SENP6: variants seen among roughly 807,000 people sequenced by gnomAD.
The protein encoded by SENP6 is sentrin-specific protease 6.
A neutral mutation model predicts 134.5 loss-of-function variants in SENP6; 41 were observed. The observed-to-expected ratio is 0.30, with a 90% CI of 0.24 to 0.40. The LOEUF (loss-of-function observed/expected upper bound fraction) is 0.40. Among genes scored for constraint, SENP6 ranks in the 10% least tolerant of loss-of-function variants. SENP6 has a pLI of 1.00. For missense variants in SENP6, 1,248 were observed against 1,312.5 expected, an observed-to-expected ratio of 0.95 and a Z score of 0.76; for synonymous variants, 395 against 429.8, an observed-to-expected ratio of 0.92 and a Z score of 1.00.
At chr6:75,689,045 A>G (rs1049403910) in intron 16 of SENP6, among the ~76,000 whole-genome samples, 4 of 152,158 alleles carry the variant, frequency 2.6e-5, no homozygotes, top group Admixed American at 2.6e-4. Context: ...CAGCCTGGGC[A>G]ACAAGAGTGA....
In SENP6 at chr6:75,666,785, T is replaced by A. The variant is rs1266824533; in HGVS notation, c.1068T>A (p.Ala356=). 6.2e-7 allele frequency: 1 copy of A among 1,613,134 alleles called. No homozygotes were observed. The highest frequency in any genetic ancestry group is 1.7e-5 in the Admixed American group (1 of 60,012). The part of the protein sequence containing the change: ...NRRESISPQP[A]DSACSSPAPS... ...GAGAAAGCATATCTCCTCAGCCTGC[T>A]GATTCAGCATGTTCTTCCCCTGCAC... The change falls in exon 10 of 24, where the codon GCT becomes GCA. Residue 356 remains alanine, a synonymous_variant. Transcript: ENST00000447266.
intron 1 of SENP6, among the ~76,000 whole-genome samples, chr6:75,604,230 A>C (rs1025330043): frequency 1.3e-5 from 2 of 152,238 alleles, no homozygotes; most frequent in African/African-American, 4.8e-5. Context: ...CTTTTACTTT[A>C]TTCTAATCTA....
intron 3 of SENP6, among the ~76,000 whole-genome samples, chr6:75,625,681 C>T: frequency 6.6e-6 from 1 of 152,132 alleles, no homozygotes; most frequent in African/African-American, 2.4e-5. Flanking sequence ...CCAGCCTGGC[C>T]AACATGTTGA....
intron 8 of SENP6, 95 bp from the exon 9 acceptor site, chr6:75,663,126 A>G: frequency 8.6e-7 from 1 of 1,157,240 alleles, no homozygotes; most frequent in African/African-American, 1.6e-5. Context: ...GTTCTTTTGG[A>G]ACTTAAAGTT....
rs552377821 is a variant in SENP6 at position 75,710,439 on chromosome 6, T to C, written c.2820+809T>C. On this transcript the variant is annotated intron_variant, in intron 20 of 23. Transcript: ENST00000447266. ...ACCATTTTGTTAATTCTCTGACCTTTCATTAGTTGTTAGGACATACTGAGT... is the reference window on the plus strand; with the variant it reads ...ACCATTTTGTTAATTCTCTGACCTTCCATTAGTTGTTAGGACATACTGAGT... 1.3e-3 allele frequency among the ~76,000 whole-genome samples: 202 copies of C among 152,326 alleles called. 1 individual carries two copies. Among genetic ancestry groups the C allele is most frequent in the African/African-American group, 4.5e-3 (188 of 41,584 alleles).
At chr6:75,652,700 A>AG (rs1330789970) in intron 7 of SENP6, among the ~76,000 whole-genome samples, 6 of 149,662 alleles carry the variant, frequency 4.0e-5, no homozygotes, top group African/African-American at 1.5e-4. Context: ...AAAAAAAAAA[A>AG]AAAGAAAAAG....
At chr6:75,689,118 TGAG>T (rs1367570498) in intron 16 of SENP6, among the ~76,000 whole-genome samples, 3 of 152,122 alleles carry the variant, frequency 2.0e-5, no homozygotes, top group African/African-American at 4.8e-5. Flanking sequence ...TCCTAGCTAT[TGAG>T]GAGGCTGAGA....
chr6:75,702,564 A>C (rs1325711858), intron 18 of SENP6, 81 bp from the exon 19 acceptor site: 33 of 1,299,106 alleles, frequency 2.5e-5, no homozygotes, highest in Non-Finnish European at 3.4e-5. Flanking sequence ...CTTTAGAAAA[A>C]AACATTTTAA....
rs1582924906 is a variant in SENP6 at position 75,716,404 on chromosome 6, T to C, written c.*810T>C. 6.6e-6 allele frequency: 1 copy of C among 152,138 alleles called. No individual in the cohort carries two copies. Among genetic ancestry groups the C allele is most frequent in the East Asian group, 1.9e-4 (1 of 5,190 alleles). 9.4% of individuals were successfully genotyped at this position (152,138 alleles called of 1,614,324 possible). On this transcript the variant is annotated 3_prime_UTR_variant, in exon 24 of 24. Coordinates refer to ENST00000447266, the MANE Select transcript of SENP6 (RefSeq NM_015571.4). Reference sequence around the variant, plus strand: ...CTACAATCTGTGTCATATAGTTAATTGATAAGCATTTTTAATCTGTGTAAA... The same window carrying C: ...CTACAATCTGTGTCATATAGTTAATCGATAAGCATTTTTAATCTGTGTAAA...
chr6:75,623,602 G>A (rs1013073404), intron 2 of SENP6, among the ~76,000 whole-genome samples: 2 of 152,124 alleles, frequency 1.3e-5, no homozygotes, highest in African/African-American at 4.8e-5. Flanking sequence ...ACAGAATTAT[G>A]TGTTCATTTA....
chr6:75,691,600 G>GT lies in SENP6; in HGVS notation c.2076-4198dup, dbSNP rs1456812194. 2.9e-5 allele frequency among the ~76,000 whole-genome samples: 4 copies of GT among 139,546 alleles called. No homozygotes were observed. In the East Asian group the frequency reaches 5.9e-4, roughly 20 times the overall value. The allele number at this position is 139,546 out of a possible 152,430, so 91.5% of individuals were successfully genotyped here. A position where few individuals can be genotyped will look rare whatever the true frequency, so the allele number is the denominator to read the frequency against. On this transcript the variant is annotated intron_variant, in intron 16 of 23. Coordinates refer to ENST00000447266, the MANE Select transcript of SENP6 (RefSeq NM_015571.4). ...GTTTTGTTTTTTGTTTTTTGTTTTT[G>GT]TTTTTTGTTTTTTTTTTGAGACGGA...
At chr6:75,647,870 C>A in intron 7 of SENP6, 69 bp downstream of exon 7, 2 of 1,197,602 alleles carry the variant, frequency 1.7e-6, no homozygotes, top group Non-Finnish European at 2.4e-6. Context: ...AATGGAGATA[C>A]GATGCTGGCT....
chr6:75,664,157 T>C (rs1772007190), intron 9 of SENP6, among the ~76,000 whole-genome samples: 1 of 151,924 alleles, frequency 6.6e-6, no homozygotes, highest in South Asian at 2.1e-4. Context: ...AAAATAGAAA[T>C]TGGGCACAGT....
At chr6:75,702,072 C>T (rs1026248675) in intron 18 of SENP6, among the ~76,000 whole-genome samples, 1 of 150,906 alleles carries the variant, frequency 6.6e-6, no homozygotes, top group African/African-American at 2.5e-5. Flanking sequence ...AACAAGAAAG[C>T]GTTCAGGGAT....
intron 6 of SENP6, among the ~76,000 whole-genome samples, chr6:75,642,407 A>G (rs1411324995): frequency 6.6e-6 from 1 of 152,256 alleles, no homozygotes; most frequent in African/African-American, 2.4e-5. Flanking sequence ...TGAAGCTAAC[A>G]TTTAACTAAA....
At chr6:75,659,555 A>G (rs1342033265) in intron 8 of SENP6, 148 bp downstream of exon 8, 1 of 637,202 alleles carries the variant, frequency 1.6e-6, no homozygotes, top group Non-Finnish European at 2.6e-6. Context: ...TGCCTTCAGT[A>G]GACCATTTTT....
At position 75,602,473 on chromosome 6, in the gene SENP6, C is replaced by G; in HGVS notation, c.-52C>G. On this transcript the variant is annotated 5_prime_UTR_variant, in exon 1 of 24. Coordinates refer to ENST00000447266, the MANE Select transcript of SENP6 (RefSeq NM_015571.4). ...GCGCGGCCCCTCATCCCGGCGAGCA[C>G]GGCGGCGGTGTGGGCCATGGATTAA... 3 of 1,546,854 alleles carry G rather than the reference C, an allele frequency of 1.9e-6. No individual in the cohort carries two copies. Among genetic ancestry groups the G allele is most frequent in the Middle Eastern group, 1.8e-4 (1 of 5,472 alleles).
intron 1 of SENP6, among the ~76,000 whole-genome samples, chr6:75,615,807 T>C (rs528238754): frequency 6.6e-6 from 1 of 152,348 alleles, no homozygotes; most frequent in South Asian, 2.1e-4. Flanking sequence ...AAGAAATTAG[T>C]GGCGAAGCCT....
intron 16 of SENP6, among the ~76,000 whole-genome samples, chr6:75,692,382 G>A (rs1477976539): frequency 1.3e-5 from 2 of 152,044 alleles, no homozygotes; most frequent in African/African-American, 2.4e-5. Flanking sequence ...TACTTTGGGA[G>A]GCCGATGCTG....
Sources: allele counts gnomAD v4.1 joint callset (sites outside exome capture counted in the v4.1 genomes callset), GRCh38; gene constraint gnomAD v4.1.1; transcripts MANE v1.5; gene names NCBI Gene and HGNC (gene_info 2026-07-23, HGNC 2026-07-21).